TYMS: variants seen among roughly 807,000 people sequenced by gnomAD.
TYMS encodes thymidylate synthase.
Under a neutral mutation model 39.3 loss-of-function variants are expected in TYMS, and 21 were observed. The observed-to-expected ratio is 0.54, with a 90% CI of 0.38 to 0.77. The LOEUF (loss-of-function observed/expected upper bound fraction) is 0.77. TYMS is among the 30% of genes least tolerant of loss of function. The pLI is 0.00. For missense variants in TYMS, 273 were observed against 406.7 expected (o/e 0.67, Z 2.83); for synonymous variants, 171 against 162.2 (o/e 1.05, Z -0.41).
At chr18:667,041 T>A (rs866946155) in intron 3 of TYMS, among the ~76,000 whole-genome samples, 7 of 20,782 alleles carry the variant, frequency 3.4e-4, no homozygotes, top group Admixed American at 1.4e-3. Flanking sequence ...ATGGAGATGG[T>A]GATGGTGATG....
intron 2 of TYMS, among the ~76,000 whole-genome samples, chr18:661,501 A>T (rs1019201302): frequency 9.2e-5 from 14 of 152,274 alleles, no homozygotes; most frequent in Non-Finnish European, 1.8e-4. Flanking sequence ...GGTATTACAT[A>T]TAGACAACAC....
chr18:658,457 G>C lies in TYMS; in HGVS notation c.205+510G>C, dbSNP rs928616394. 17 of 665,010 alleles carry C rather than the reference G, an allele frequency of 2.6e-5. No homozygotes were observed. In the African/African-American group the frequency reaches 3.3e-4, roughly 13 times the overall value. 41.2% of individuals were successfully genotyped at this position (665,010 alleles called of 1,614,324 possible). On this transcript the variant is annotated intron_variant, in intron 1 of 6. Transcript: ENST00000323274. This position sits in a 1 kb window ranked among gnomAD's most constrained non-coding sequence, Gnocchi z 4.5. ...GCACTGAAGCTGGCGCGGGAACTTG[G>C]TTTCCTGGTGGCCTCCCATCCAATC...
intron 6 of TYMS, chr18:672,646 G>A (rs1054162796): frequency 7.3e-6 from 3 of 408,558 alleles, no homozygotes; most frequent in Non-Finnish European, 1.3e-5. Flanking sequence ...GCTGTGTAAT[G>A]TCACAAAATA....
chr18:658,425 G>C lies in TYMS; in HGVS notation c.205+478G>C. ...GTGGGCGGGGCAAAGGCGGCGGGAA[G>C]AGGAGAGCACTGAAGCTGGCGCGGG... On this transcript the variant is annotated intron_variant, in intron 1 of 6. Transcript: ENST00000323274. The surrounding 1 kb of genome is among the most constrained non-coding windows in gnomAD (Gnocchi z 4.5). 3 of 1,054,962 alleles carry C rather than the reference G, an allele frequency of 2.8e-6. No individual in the cohort carries two copies. The highest frequency in any genetic ancestry group is 3.7e-6 in the Non-Finnish European group (3 of 803,422). The allele number at this position is 1,054,962 out of a possible 1,614,324, so 65.4% of individuals were successfully genotyped here.
At chr18:668,973 G>C (rs2074921269) in intron 3 of TYMS, 99 bp from the exon 4 acceptor site, 2 of 973,200 alleles carry the variant, frequency 2.1e-6, no homozygotes, top group African/African-American at 1.6e-5. Context: ...GTCAAGGGGG[G>C]ACCCTGGGTA....
At chr18:672,721 G>A (rs1413316046) in intron 6 of TYMS, 139 bp from the exon 7 acceptor site, 14 of 921,094 alleles carry the variant, frequency 1.5e-5, no homozygotes, top group Non-Finnish European at 1.9e-5. Flanking sequence ...CATAACCTAC[G>A]GCAAGGTATC....
rs2074702406 is a variant in TYMS at position 657,774 on chromosome 18, G to T, written c.32G>T (p.Arg11Leu). The change falls in exon 1 of 7, where the codon CGG becomes CTG. Residue 11 changes from arginine (R) to leucine (L), a missense_variant. Around this residue, in one of 3 missense-constraint regions of TYMS, gnomAD observed 228 missense variants for 326.1 expected, o/e 0.70. Transcript: ENST00000323274. The stretch of plus-strand genomic sequence containing the variant: ...GTGGCCGGCTCGGAGCTGCCGCGCC[G>T]GCCCTTGCCCCCCGCCGCACAGGAG... MPVAGSELPR[R>L]PLPPAAQERD... The T allele has an allele frequency of 1.4e-6, 2 of 1,439,188 alleles. No individual in the cohort carries two copies. Among genetic ancestry groups the T allele is most frequent in the East Asian group, 3.0e-5 (1 of 33,222 alleles). 89.2% of individuals were successfully genotyped at this position (1,439,188 alleles called of 1,614,324 possible). A position where few individuals can be genotyped will look rare whatever the true frequency, so the allele number is the denominator to read the frequency against.
At position 658,391 on chromosome 18, in the gene TYMS, G is replaced by C; in HGVS notation, c.205+444G>C. 1.6e-6 allele frequency: 2 copies of C among 1,249,242 alleles called. No homozygotes were observed. Among genetic ancestry groups the C allele is most frequent in the Non-Finnish European group, 2.1e-6 (2 of 960,784 alleles). The allele number at this position is 1,249,242 out of a possible 1,614,324, so 77.4% of individuals were successfully genotyped here. On this transcript the variant is annotated intron_variant, in intron 1 of 6. Coordinates refer to ENST00000323274, the MANE Select transcript of TYMS (RefSeq NM_001071.4). The surrounding 1 kb of genome is among the most constrained non-coding windows in gnomAD (Gnocchi z 4.5). The stretch of plus-strand genomic sequence containing the variant: ...TCGCAGCGTTTTCAAAAACTGGAGC[G>C]AAAGTGATGTGGGCGGGGCAAAGGC...
At position 658,753 on chromosome 18, in the gene TYMS, G is replaced by A; in HGVS notation, c.205+806G>A. On this transcript the variant is annotated intron_variant, in intron 1 of 6. Transcript: ENST00000323274. The surrounding 1 kb of genome is among the most constrained non-coding windows in gnomAD (Gnocchi z 4.5). ...CGCGGGGGAGGGGACTCGAAGGTGT[G>A]TGAGCCAGGGGCTGACCTTGACCGC... is the stretch of plus-strand genomic sequence containing the variant. The A allele has an allele frequency of 4.8e-6, 1 of 206,940 alleles. No individual in the cohort carries two copies. The highest frequency in any genetic ancestry group is 9.7e-6 in the Non-Finnish European group (1 of 102,636). The allele number at this position is 206,940 out of a possible 1,614,324, so 12.8% of individuals were successfully genotyped here. A position where few individuals can be genotyped will look rare whatever the true frequency, so the allele number is the denominator to read the frequency against.
At chr18:664,172 T>G (rs2074784309) in intron 3 of TYMS, among the ~76,000 whole-genome samples, 3 of 152,110 alleles carry the variant, frequency 2.0e-5, no homozygotes, top group African/African-American at 7.3e-5. Context: ...TTCCATTTCT[T>G]TGTATCCTCT....
chr18:667,752 G>GGTAA (rs1233057915), intron 3 of TYMS: 4 of 152,198 alleles, frequency 2.6e-5, no homozygotes, highest in Non-Finnish European at 4.4e-5. Flanking sequence ...TACTTGTGCA[G>GGTAA]GTAAGTGTTC....
chr18:666,887 C>G (rs562661108), intron 3 of TYMS, among the ~76,000 whole-genome samples: 2 of 122,632 alleles, frequency 1.6e-5, no homozygotes, highest in African/African-American at 7.7e-5. Flanking sequence ...CGAAAAAGTT[C>G]GGGAGATGGT....
chr18:661,295 G>T (rs900156830), intron 2 of TYMS, among the ~76,000 whole-genome samples: 1 of 152,168 alleles, frequency 6.6e-6, no homozygotes, highest in Non-Finnish European at 1.5e-5. Context: ...CTTCAATTCA[G>T]GATTCTAAGG....
In TYMS at chr18:673,279, TG is replaced by T. The variant is rs2075152137; in HGVS notation, c.*283del. The T allele has an allele frequency of 3.6e-6, 1 of 278,418 alleles. No homozygotes were observed. Among genetic ancestry groups the T allele is most frequent in the African/African-American group, 2.1e-5 (1 of 46,548 alleles). 17.2% of individuals were successfully genotyped at this position (278,418 alleles called of 1,614,324 possible). On this transcript the variant is annotated 3_prime_UTR_variant, in exon 7 of 7. Transcript: ENST00000323274. Reference sequence around the variant, plus strand: ...AATGTATGTGCTCTTAGCAAAAACATGTATGTGCATTTCAATCCCACGTACT... The same window carrying T: ...AATGTATGTGCTCTTAGCAAAAACATTATGTGCATTTCAATCCCACGTACT...
chr18:663,980 G>T (rs1396550704), intron 3 of TYMS, among the ~76,000 whole-genome samples: 1 of 100,184 alleles, frequency 1.0e-5, no homozygotes, highest in Admixed American at 8.4e-5. Flanking sequence ...TTTTGGCTTA[G>T]GATTGACTTG....
chr18:673,211 G>T lies in TYMS; in HGVS notation c.*214G>T, dbSNP rs16948409. The T allele has an allele frequency of 5.9e-3, 2,495 of 425,226 alleles. 54 individuals are homozygous for T. Among genetic ancestry groups the T allele is most frequent in the African/African-American group, 0.044 (2,251 of 51,474 alleles). The allele number at this position is 425,226 out of a possible 1,614,324, so 26.3% of individuals were successfully genotyped here. A position where few individuals can be genotyped will look rare whatever the true frequency, so the allele number is the denominator to read the frequency against. ...AAGGCTTTGAGTTAACTCACTGAGG[G>T]TATCTGACAATGCTGAGGTTATGAA... On this transcript the variant is annotated 3_prime_UTR_variant, in exon 7 of 7. Coordinates refer to ENST00000323274, the MANE Select transcript of TYMS (RefSeq NM_001071.4).
At chr18:667,386 GGT>G (rs1359646935) in intron 3 of TYMS, among the ~76,000 whole-genome samples, 2 of 28,052 alleles carry the variant, frequency 7.1e-5, no homozygotes, top group Non-Finnish European at 7.1e-5. Flanking sequence ...TGATGGTGAT[GGT>G]GATGGAGATG....
At chr18:672,194 T>TGTAA (rs1408872215) in intron 6 of TYMS, 2 of 152,236 alleles carry the variant, frequency 1.3e-5, no homozygotes, top group Non-Finnish European at 2.9e-5. Context: ...GCAATAAAAA[T>TGTAA]GTAAGTTCAT....
At chr18:668,863 G>C (rs989960658) in intron 3 of TYMS, among the ~76,000 whole-genome samples, 11 of 151,920 alleles carry the variant, frequency 7.2e-5, no homozygotes, top group Non-Finnish European at 1.2e-4. Context: ...GACTTTGTTA[G>C]GGCTCCAGAG....
Sources: gnomAD v4.1 joint callset for allele counts (sites outside exome capture counted in the v4.1 genomes callset) on GRCh38, gnomAD v4.1.1 for gene constraint, gnomAD v4.1.1 regional missense constraint, Gnocchi (gnomAD v3.1) non-coding constraint, MANE v1.5 for transcripts, NCBI Gene and HGNC (gene_info 2026-07-23, HGNC 2026-07-21) for gene names.